Variants in PADI3 observed in about 807,000 individuals in gnomAD.
The protein encoded by PADI3 is peptidyl arginine deiminase 3, also known as protein-arginine deiminase type-3.
PADI3 carries 53 observed loss-of-function variants against 71.5 expected under a neutral mutation model. The observed-to-expected ratio is 0.74, with a 90% CI of 0.59 to 0.93. The LOEUF (loss-of-function observed/expected upper bound fraction) is 0.93, where lower values mean the gene tolerates loss of function less well. PADI3 is among the 40% of genes least tolerant of loss of function. The pLI is 0.00. For missense variants in PADI3, 821 were observed against 868.0 expected (o/e 0.95, Z 0.68); for synonymous variants, 361 against 347.5 (o/e 1.04, Z -0.43).
chr1:17,273,197 C>T (rs183344235), intron 9 of PADI3, 143 bp from the exon 10 acceptor site: 255 of 606,020 alleles, frequency 4.2e-4, no homozygotes, highest in Admixed American at 8.9e-4. Context: ...ACCCTGACCT[C>T]GGTCCTGTCC....
At chr1:17,260,158 C>T (rs4363467) in intron 2 of PADI3, among the ~76,000 whole-genome samples, 24,765 of 152,062 alleles carry the variant, frequency 0.16, 2,084 homozygotes, top group South Asian at 0.21. Flanking sequence ...TAGGGGATCT[C>T]TGCCACTTTG....
At chr1:17,272,549 T>TGGTTGGA (rs1179177484) in intron 9 of PADI3, among the ~76,000 whole-genome samples, 3 of 152,216 alleles carry the variant, frequency 2.0e-5, no homozygotes, top group Non-Finnish European at 4.4e-5. Context: ...TCTGTCACCC[T>TGGTTGGA]GGTTGGAGTG....
In PADI3 at chr1:17,276,755, A is replaced by T; in HGVS notation, c.1453-19A>T. 1 of 1,613,668 alleles carries T rather than the reference A, an allele frequency of 6.2e-7. No homozygotes were observed. Among genetic ancestry groups the T allele is most frequent in the Non-Finnish European group, 8.5e-7 (1 of 1,179,778 alleles). ...ATGCCAAGGCAGGAGGCTCAGCTGAATCTGTTCTCTGCACGCAGGGCTTCC... is the reference window on the plus strand; with the variant it reads ...ATGCCAAGGCAGGAGGCTCAGCTGATTCTGTTCTCTGCACGCAGGGCTTCC... On this transcript the variant is annotated intron_variant, in intron 12 of 15. Coordinates refer to ENST00000375460, the MANE Select transcript of PADI3 (RefSeq NM_016233.2).
At position 17,259,750 on chromosome 1, in the gene PADI3, G is replaced by A. The variant is rs776534450; in HGVS notation, c.265G>A (p.Asp89Asn). Residue 89 changes from aspartate to asparagine, a missense_variant, in exon 2 of 16, where the codon GAC (aspartate) becomes AAC (asparagine). Asp to Asn is a conservative substitution (Grantham distance 23). Transcript: ENST00000375460. ...GAACTCCCCCAGCAATGACCTCAACGACAGCCATGTGAGCTGGTCCCTGGT... is the reference window on the plus strand; with the variant it reads ...GAACTCCCCCAGCAATGACCTCAACAACAGCCATGTGAGCTGGTCCCTGGT... The part of the protein sequence containing the change: ...VMNSPSNDLN[D>N]SHVQISYHSS... 39 of 1,603,820 alleles carry A rather than the reference G, an allele frequency of 2.4e-5. No homozygotes were observed. The East Asian group carries it at 2.9e-4, about 12-fold the overall frequency.
chr1:17,253,652 T>C (rs2072993218), intron 1 of PADI3, among the ~76,000 whole-genome samples: 1 of 152,128 alleles, frequency 6.6e-6, no homozygotes, highest in Non-Finnish European at 1.5e-5. Flanking sequence ...AACTCATCTG[T>C]GAAAGGCCCC....
intron 2 of PADI3, among the ~76,000 whole-genome samples, chr1:17,261,555 C>T (rs1172449682): frequency 6.6e-6 from 1 of 152,254 alleles, no homozygotes; most frequent in African/African-American, 2.4e-5. Context: ...CACCTGCCCA[C>T]TGATAACAGT....
intron 1 of PADI3, among the ~76,000 whole-genome samples, chr1:17,252,327 C>T (rs1015967820): frequency 2.0e-5 from 3 of 151,912 alleles, no homozygotes; most frequent in Non-Finnish European, 2.9e-5. Context: ...AGCTCTTTCT[C>T]AAGGCTCAGG....
intron 11 of PADI3, 150 bp from the exon 12 acceptor site, chr1:17,276,369 A>G (rs1043758193): frequency 1.0e-5 from 7 of 692,600 alleles, no homozygotes; most frequent in Non-Finnish European, 1.7e-5. Context: ...TGAAATATAC[A>G]TATTTATTAC....
rs368890857 is a variant in PADI3 at position 17,275,366 on chromosome 1, G to A, written c.1307+580G>A. 3.8e-3 allele frequency among the ~76,000 whole-genome samples: 571 copies of A among 149,118 alleles called. 5 individuals carry two copies. The highest frequency in any genetic ancestry group is 0.013 in the African/African-American group (536 of 40,852). On this transcript the variant is annotated intron_variant, in intron 11 of 15. Coordinates refer to ENST00000375460, the MANE Select transcript of PADI3 (RefSeq NM_016233.2). ...GCAGGAGAATGGCATGAACCCAGGA[G>A]GTGGAGCTTGCAGTGAGCTGAGATC...
Position 17,266,762 on chromosome 1 carries a change from T to G in PADI3, c.452T>G (p.Leu151Arg). 1 of 1,614,154 alleles carries G rather than the reference T, an allele frequency of 6.2e-7. No homozygotes were observed. Reference protein sequence around the residue: ...WGPSGYGGILLVNCDRDDPSC... With the variant: ...WGPSGYGGILRVNCDRDDPSC... ...CCCAGTGGGTATGGCGGCATCTTGC[T>G]GGTGAACTGTGACCGTGATGATCCG... The change falls in exon 5 of 16, where the codon CTG becomes CGG. Residue 151 changes from leucine to arginine, a missense_variant. Transcript: ENST00000375460.
chr1:17,256,565 G>A (rs989974870), intron 1 of PADI3, among the ~76,000 whole-genome samples: 1 of 152,200 alleles, frequency 6.6e-6, no homozygotes, highest in African/African-American at 2.4e-5. Context: ...ATCTCACACA[G>A]AGCCTGGCAC....
intron 6 of PADI3, among the ~76,000 whole-genome samples, chr1:17,268,226 C>A (rs1195379313): frequency 6.6e-6 from 1 of 152,162 alleles, no homozygotes; most frequent in Non-Finnish European, 1.5e-5. Context: ...TGTAGAAATT[C>A]TTATCAAAAA....
intron 13 of PADI3, among the ~76,000 whole-genome samples, chr1:17,277,254 G>A (rs573357589): frequency 1.3e-5 from 2 of 151,910 alleles, no homozygotes; most frequent in African/African-American, 2.4e-5. Context: ...GAGTGCAATG[G>A]CGTGATCTCC....
At chr1:17,267,350 G>C (rs2073184068) in intron 5 of PADI3, among the ~76,000 whole-genome samples, 1 of 152,174 alleles carries the variant, frequency 6.6e-6, no homozygotes, top group African/African-American at 2.4e-5. Flanking sequence ...AAGTCCATCT[G>C]TCCTGAATTC....
chr1:17,282,781 C>A (rs1033925438), intron 15 of PADI3, 65 bp from the exon 16 acceptor site: 2 of 1,212,606 alleles, frequency 1.6e-6, no homozygotes, highest in Admixed American at 2.1e-5. Context: ...CTAGGTCCTG[C>A]AGGTAGAGTA....
intron 1 of PADI3, among the ~76,000 whole-genome samples, chr1:17,254,458 G>T (rs957025726): frequency 6.6e-6 from 1 of 152,190 alleles, no homozygotes; most frequent in Non-Finnish European, 1.5e-5. Context: ...GTTTGCAGGC[G>T]AGTGGGGACA....
intron 1 of PADI3, among the ~76,000 whole-genome samples, chr1:17,253,878 A>G (rs2072995873): frequency 6.6e-6 from 1 of 152,146 alleles, no homozygotes; most frequent in Non-Finnish European, 1.5e-5. Flanking sequence ...GTTTCCCCAT[A>G]TGGACCCTGA....
At chr1:17,268,006 A>T (rs774816075) in intron 6 of PADI3, 44 bp downstream of exon 6, 33 of 1,611,218 alleles carry the variant, frequency 2.0e-5, no homozygotes, top group Non-Finnish European at 2.8e-5. Flanking sequence ...CCCTGTTGCC[A>T]GGTTGCCTAC....
intron 1 of PADI3, among the ~76,000 whole-genome samples, chr1:17,259,197 G>A (rs1200083889): frequency 6.6e-6 from 1 of 152,194 alleles, no homozygotes; most frequent in Non-Finnish European, 1.5e-5. Flanking sequence ...AGCCTCCCCA[G>A]TAGCTGGGAT....
Sources: gnomAD v4.1 joint callset for allele counts (sites outside exome capture counted in the v4.1 genomes callset) on GRCh38, gnomAD v4.1.1 for gene constraint, MANE v1.5 for transcripts, NCBI Gene and HGNC (gene_info 2026-07-23, HGNC 2026-07-21) for gene names.